Variants in KDM2B observed in about 807,000 individuals in gnomAD.
KDM2B encodes lysine demethylase 2B.
KDM2B carries 26 observed loss-of-function variants against 150.0 expected under a neutral mutation model. That is an observed-to-expected ratio of 0.17 (90% confidence interval 0.13 to 0.24). The LOEUF is 0.24. Ranked by LOEUF, KDM2B falls within the 10% of genes least tolerant of loss-of-function variation. The probability of loss-of-function intolerance (pLI) is 1.00; values close to 1 mark genes in which losing one functional copy is unlikely to be tolerated. For synonymous variants in KDM2B, 734 were observed against 729.5 expected (o/e 1.01, Z -0.10); for missense variants, 1,265 against 1,816.9 (o/e 0.70, Z 5.52).
At chr12:121,480,890 G>C (rs1882036099) in intron 12 of KDM2B, among the ~76,000 whole-genome samples, 2 of 148,700 alleles carry the variant, frequency 1.3e-5, no homozygotes, top group Admixed American at 6.7e-5. Flanking sequence ...TAAATGACAA[G>C]AAAAAAAATG....
chr12:121,429,921 T>G lies in KDM2B; in HGVS notation c.*367A>C. 1 of 619,360 alleles carries G rather than the reference T, an allele frequency of 1.6e-6. No individual in the cohort carries two copies. The highest frequency in any genetic ancestry group is 2.9e-6 in the Non-Finnish European group (1 of 344,056). The allele number at this position is 619,360 out of a possible 1,614,324, so 38.4% of individuals were successfully genotyped here. ...CCACTTTATGTCAACACCCAAAACC[T>G]CGGTGTTGCAAGGAATGAAGTGTCC... On this transcript the variant is annotated 3_prime_UTR_variant, in exon 23 of 23. Coordinates refer to ENST00000377071, the MANE Select transcript of KDM2B (RefSeq NM_032590.5).
chr12:121,438,463 T>C (rs2137822155), intron 22 of KDM2B, among the ~76,000 whole-genome samples: 1 of 152,226 alleles, frequency 6.6e-6, no homozygotes, highest in East Asian at 1.9e-4. Context: ...TGTAATAAAA[T>C]GCCAGCACTT....
chr12:121,485,800 G>A (rs1339636384), intron 12 of KDM2B, among the ~76,000 whole-genome samples: 4 of 150,104 alleles, frequency 2.7e-5, no homozygotes, highest in African/African-American at 9.8e-5. Flanking sequence ...TTTTTGAGAT[G>A]GAGTCTTGCT....
chr12:121,437,053 T>C (rs1874125480), intron 22 of KDM2B, among the ~76,000 whole-genome samples: 1 of 151,730 alleles, frequency 6.6e-6, no homozygotes, highest in African/African-American at 2.4e-5. Context: ...AGAAAGAAGA[T>C]ATGAGATCAA....
intron 12 of KDM2B, among the ~76,000 whole-genome samples, chr12:121,476,574 T>C (rs1881411012): frequency 6.6e-6 from 1 of 152,170 alleles, no homozygotes; most frequent in African/African-American, 2.4e-5. Context: ...TTAGAAACTA[T>C]AGGCCCTAAA....
Position 121,580,257 on chromosome 12 carries a change from G to T in KDM2B, c.126+529C>A, listed in dbSNP as rs951564930. 19 of 1,272,848 alleles carry T rather than the reference G, an allele frequency of 1.5e-5. No homozygotes were observed. In the East Asian group the frequency reaches 1.8e-4, roughly 12 times the overall value. The allele number at this position is 1,272,848 out of a possible 1,614,324, so 78.8% of individuals were successfully genotyped here. A position where few individuals can be genotyped will look rare whatever the true frequency, so the allele number is the denominator to read the frequency against. ...GAAACCATTTTCAGCAGTTGTGGGG[G>T]GGGGGAGGCGTCGACGTCATAATCC... On this transcript the variant is annotated intron_variant, in intron 1 of 22. Coordinates refer to ENST00000377071, the MANE Select transcript of KDM2B (RefSeq NM_032590.5).
the KDM2B span, chr12:121,420,274 AGATGATGATGACGACGATGATGAGGAT>A: frequency 6.2e-7 from 1 of 1,604,368 alleles, no homozygotes; most frequent in Non-Finnish European, 8.5e-7. Context: ...CAAACACAGA[AGATGATGATGACGACGATGATGAGGAT>A]GATGATGATG....
chr12:121,518,294 T>C lies in KDM2B; in HGVS notation c.1047+2691A>G, dbSNP rs1188242073. Among the ~76,000 whole-genome samples, 1 of 152,234 alleles carries C rather than the reference T, an allele frequency of 6.6e-6. No individual in the cohort carries two copies. Among genetic ancestry groups the C allele is most frequent in the Admixed American group, 6.5e-5 (1 of 15,280 alleles). ...GCTAACAAAGAGCCCTGGCATCTTA[T>C]CTGGTTCCAGAATTCTCTCCCCAGT... On this transcript the variant is annotated intron_variant, in intron 9 of 22. Transcript: ENST00000377071. This position sits in a 1 kb window ranked among gnomAD's most constrained non-coding sequence, Gnocchi z 4.4.
At chr12:121,439,459 C>T (rs771125143) in intron 22 of KDM2B, among the ~76,000 whole-genome samples, 1 of 127,720 alleles carries the variant, frequency 7.8e-6, no homozygotes, top group Non-Finnish European at 1.8e-5. Context: ...TGGCTCACGG[C>T]GACCTCCACT....
chr12:121,417,771 A>G, the KDM2B span: 1 of 1,614,072 alleles, frequency 6.2e-7, no homozygotes, highest in Admixed American at 1.7e-5. The surrounding 1 kb of genome is among the most constrained non-coding windows in gnomAD (Gnocchi z 5.0). Flanking sequence ...AAGCAGTCTG[A>G]ATTCTTCAAG....
chr12:121,509,027 C>T (rs933535075), intron 11 of KDM2B, among the ~76,000 whole-genome samples: 1 of 152,072 alleles, frequency 6.6e-6, no homozygotes, highest in African/African-American at 2.4e-5. Flanking sequence ...ACTCGTCAGC[C>T]ACAGAGTGAG....
chr12:121,555,343 C>G (rs1260654308), intron 4 of KDM2B, among the ~76,000 whole-genome samples: 1 of 151,982 alleles, frequency 6.6e-6, no homozygotes, highest in East Asian at 1.9e-4. Flanking sequence ...GTCAAAGTAT[C>G]AAAAAAGAAA....
rs781953675 is a variant in KDM2B, at chr12:121,532,845, T to G, written c.892A>C (p.Ile298Leu). Residue 298 changes from isoleucine (I) to leucine (L), a missense_variant, in exon 8 of 23, where the codon ATT (isoleucine) becomes CTT (leucine). By Grantham distance (5) the Ile-to-Leu change is conservative. This residue lies in a region of KDM2B where 214 missense variants were observed against 447.4 expected (regional missense o/e 0.48). Coordinates refer to ENST00000377071, the MANE Select transcript of KDM2B (RefSeq NM_032590.5). ...AATGTGTAGCCCTGCTTCAGCTCAATTCTTTGGCATCGTTCCACACGGTCT... is the reference window on the plus strand; with the variant it reads ...AATGTGTAGCCCTGCTTCAGCTCAAGTCTTTGGCATCGTTCCACACGGTCT... ...LGDRVERCQR[I>L]ELKQGYTFFI... The G allele has an allele frequency of 6.2e-7, 1 of 1,614,106 alleles. No individual in the cohort carries two copies. The highest frequency in any genetic ancestry group is 8.5e-7 in the Non-Finnish European group (1 of 1,180,050).
chr12:121,415,203 T>A, the KDM2B span: 1 of 216,946 alleles, frequency 4.6e-6, no homozygotes, highest in Non-Finnish European at 1.0e-5. Flanking sequence ...TACAAAAAAA[T>A]CTAGAGAGAG....
rs1427524150 is a variant in KDM2B, at chr12:121,555,899, T to C, written c.398-6261A>G. ...CCCACTCTATTAGTTCCCATGAGAC[T>C]GAATTGGGTTTTTGTTTTGTTTTTT... On this transcript the variant is annotated intron_variant, in intron 4 of 22. Transcript: ENST00000377071. Among the ~76,000 whole-genome samples, 5 of 152,014 alleles carry C rather than the reference T, an allele frequency of 3.3e-5. No homozygotes were observed. The East Asian group carries it at 9.7e-4, about 29-fold the overall frequency.
rs1889345662 is a variant in KDM2B, at chr12:121,549,844, C to A, written c.398-206G>T. On this transcript the variant is annotated intron_variant, in intron 4 of 22. Transcript: ENST00000377071. The surrounding 1 kb of genome is among the most constrained non-coding windows in gnomAD (Gnocchi z 4.4). The stretch of plus-strand genomic sequence containing the variant: ...CCTTGCTTCCCTGCACCACCATGGC[C>A]TCCACGCCAGTCTGCGATGACCTCA... Among the ~76,000 whole-genome samples the A allele has an allele frequency of 6.9e-6, 1 of 145,276 alleles. No individual in the cohort carries two copies. Among genetic ancestry groups the A allele is most frequent in the Non-Finnish European group, 1.5e-5 (1 of 66,584 alleles).
intron 12 of KDM2B, among the ~76,000 whole-genome samples, chr12:121,463,951 G>A (rs554844726): frequency 1.3e-5 from 2 of 152,060 alleles, no homozygotes; most frequent in East Asian, 1.9e-4. Flanking sequence ...CTGGCCAGGC[G>A]CAGTGGCTCA....
intron 12 of KDM2B, among the ~76,000 whole-genome samples, chr12:121,485,111 G>A (rs2140138540): frequency 6.6e-6 from 1 of 152,246 alleles, no homozygotes; most frequent in South Asian, 2.1e-4. Context: ...CCTGCCTGCT[G>A]ACACCCTGAC....
At chr12:121,506,085 CTGT>C (rs776426539) in intron 11 of KDM2B, among the ~76,000 whole-genome samples, 2,000 of 152,222 alleles carry the variant, frequency 0.013, 22 homozygotes, top group South Asian at 0.027. Flanking sequence ...TCATAGTTCA[CTGT>C]AGCCTAGAAC....
Sources: allele counts gnomAD v4.1 joint callset (sites outside exome capture counted in the v4.1 genomes callset), GRCh38; gene constraint gnomAD v4.1.1; regional missense constraint gnomAD v4.1.1; non-coding constraint Gnocchi (gnomAD v3.1); transcripts MANE v1.5; gene names NCBI Gene and HGNC (gene_info 2026-07-23, HGNC 2026-07-21).